DGKB: variants seen among roughly 807,000 people sequenced by gnomAD.
DGKB encodes the protein 90 kDa diacylglycerol kinase.
A neutral mutation model predicts 114.3 loss-of-function variants in DGKB; 67 were observed. The ratio of observed to expected loss-of-function variants is 0.59; its 90% confidence interval spans 0.48 to 0.72. DGKB has a LOEUF of 0.72. DGKB is among the 30% of genes least tolerant of loss of function. DGKB has a pLI of 0.00. For missense variants in DGKB, 907 were observed against 975.2 expected, an observed-to-expected ratio of 0.93 and a Z score of 0.93; for synonymous variants, 398 against 323.1, an observed-to-expected ratio of 1.23 and a Z score of -2.49.
chr7:14,831,299 T>G (rs2128122692), intron 2 of DGKB, among the ~76,000 whole-genome samples: 1 of 152,124 alleles, frequency 6.6e-6, no homozygotes, highest in South Asian at 2.1e-4. Context: ...TGCTAATGGC[T>G]ACTATATGCT....
In DGKB at chr7:14,345,390, T is replaced by C; in HGVS notation, c.1837A>G (p.Met613Val). ...EKHPEKFNSR[M>V]KNKFWYFEFG... ...TCAAAATACCAAAATTTGTTCTTCATTCTGAAAAAGAAAAGGAAGAAGCAC... is the reference window on the plus strand; with the variant it reads ...TCAAAATACCAAAATTTGTTCTTCACTCTGAAAAAGAAAAGGAAGAAGCAC... The change falls in exon 22 of 26, where the codon ATG (methionine) becomes GTG (valine). Residue 613 changes from methionine to valine, a missense_variant and splice_region_variant. Physicochemically the swap from Met to Val is conservative, Grantham distance 21 (BLOSUM62 1). Coordinates refer to ENST00000402815, the MANE Select transcript of DGKB (RefSeq NM_001350709.2). The C allele has an allele frequency of 6.6e-7, 1 of 1,525,010 alleles. No individual in the cohort carries two copies. The highest frequency in any genetic ancestry group is 8.9e-7 in the Non-Finnish European group (1 of 1,128,916). 94.5% of individuals were successfully genotyped at this position (1,525,010 alleles called of 1,614,324 possible).
At chr7:14,405,585 TGAG>T (rs1823810096) in intron 21 of DGKB, among the ~76,000 whole-genome samples, 1 of 152,028 alleles carries the variant, frequency 6.6e-6, no homozygotes, top group Admixed American at 6.6e-5. Context: ...TTCTAGGTGT[TGAG>T]GATGCAGAAA....
intron 6 of DGKB, among the ~76,000 whole-genome samples, chr7:14,715,212 A>C (rs6965205): frequency 6.6e-6 from 1 of 152,000 alleles, no homozygotes; most frequent in Non-Finnish European, 1.5e-5. Context: ...AAAAGTAGGA[A>C]AGTGAGAAGT....
At chr7:14,948,320 C>T (rs1364177807) in intron 1 of DGKB, among the ~76,000 whole-genome samples, 1 of 151,772 alleles carries the variant, frequency 6.6e-6, no homozygotes, top group African/African-American at 2.4e-5. Flanking sequence ...AGAAGTATGA[C>T]ATTTAAATCA....
At chr7:14,230,053 A>G (rs985968001) in intron 23 of DGKB, among the ~76,000 whole-genome samples, 2 of 151,948 alleles carry the variant, frequency 1.3e-5, no homozygotes, top group Non-Finnish European at 2.9e-5. Flanking sequence ...GTCTTGTTGC[A>G]TCCTTTTTTT....
At chr7:14,499,703 T>C (rs1785837636) in intron 20 of DGKB, among the ~76,000 whole-genome samples, 1 of 151,846 alleles carries the variant, frequency 6.6e-6, no homozygotes, top group African/African-American at 2.4e-5. Context: ...TGGCTCATGA[T>C]TCCTAGTACA....
At chr7:14,307,840 A>G (rs1804740964) in intron 23 of DGKB, among the ~76,000 whole-genome samples, 1 of 152,072 alleles carries the variant, frequency 6.6e-6, no homozygotes, top group South Asian at 2.1e-4. Context: ...TTTTTCTGTC[A>G]TTCAAATATT....
intron 1 of DGKB, among the ~76,000 whole-genome samples, chr7:14,910,607 TCG>T (rs1293139658): frequency 6.6e-6 from 1 of 152,148 alleles, no homozygotes; most frequent in African/African-American, 2.4e-5. Flanking sequence ...GAAGATACTC[TCG>T]TTACTTTCAA....
intron 23 of DGKB, among the ~76,000 whole-genome samples, chr7:14,198,501 T>A (rs1785344447): frequency 6.6e-6 from 1 of 152,006 alleles, no homozygotes; most frequent in Non-Finnish European, 1.5e-5. Context: ...CAAAGAGGTC[T>A]GGGAGATACC....
In DGKB at chr7:14,542,169, A is replaced by G. The variant is rs966559298; in HGVS notation, c.1770+32043T>C. ...CCACACTCTTTTTAAATAAATTAAT[A>G]TATCTATTTATTATCATTATTATTA... On this transcript the variant is annotated intron_variant, in intron 20 of 25. Coordinates refer to ENST00000402815, the MANE Select transcript of DGKB (RefSeq NM_001350709.2). Among the ~76,000 whole-genome samples the G allele has an allele frequency of 4.6e-5, 7 of 151,876 alleles. No individual in the cohort carries two copies. In the South Asian group the frequency reaches 6.2e-4, roughly 13 times the overall value.
chr7:14,675,102 C>A (rs532964851), intron 12 of DGKB, among the ~76,000 whole-genome samples: 2 of 152,038 alleles, frequency 1.3e-5, no homozygotes, highest in African/African-American at 4.8e-5. Flanking sequence ...AGAAAACAGA[C>A]GCTAAGAACC....
intron 2 of DGKB, among the ~76,000 whole-genome samples, chr7:14,771,438 A>T (rs1447126526): frequency 1.3e-5 from 2 of 152,046 alleles, no homozygotes; most frequent in Non-Finnish European, 2.9e-5. Flanking sequence ...ATATTACCCA[A>T]TGCTGGTGAT....
At chr7:14,276,225 TAA>T (rs35760070) in intron 23 of DGKB, among the ~76,000 whole-genome samples, 1 of 152,074 alleles carries the variant, frequency 6.6e-6, no homozygotes, top group Non-Finnish European at 1.5e-5. Context: ...CTCCATTCCC[TAA>T]AAAAAGGCAA....
intron 25 of DGKB, among the ~76,000 whole-genome samples, chr7:14,172,795 C>A (rs1443639643): frequency 6.6e-6 from 1 of 152,024 alleles, no homozygotes; most frequent in East Asian, 1.9e-4. Flanking sequence ...TGTACAGATA[C>A]AAAATAAAAT....
intron 21 of DGKB, among the ~76,000 whole-genome samples, chr7:14,469,826 G>T (rs1421744304): frequency 6.6e-6 from 1 of 151,834 alleles, no homozygotes; most frequent in Non-Finnish European, 1.5e-5. Flanking sequence ...ACATATAATT[G>T]TAAGAGATTT....
intron 17 of DGKB, among the ~76,000 whole-genome samples, chr7:14,585,277 G>A (rs1210906444): frequency 6.6e-6 from 1 of 152,022 alleles, no homozygotes; most frequent in African/African-American, 2.4e-5. Flanking sequence ...AAACACATAT[G>A]TACCAGTTGC....
intron 21 of DGKB, among the ~76,000 whole-genome samples, chr7:14,353,738 T>G (rs7797806): frequency 0.018 from 2,689 of 152,316 alleles, 82 homozygotes; most frequent in African/African-American, 0.062. Flanking sequence ...ATATTTTTCA[T>G]ACAATACTAT....
chr7:14,538,133 AG>A (rs1792840905), intron 20 of DGKB, among the ~76,000 whole-genome samples: 1 of 151,572 alleles, frequency 6.6e-6, no homozygotes, highest in African/African-American at 2.4e-5. Flanking sequence ...CAAACCAAAA[AG>A]CTTCTGCACA....
intron 1 of DGKB, among the ~76,000 whole-genome samples, chr7:14,879,206 G>C (rs1168661009): frequency 6.6e-6 from 1 of 151,844 alleles, no homozygotes; most frequent in African/African-American, 2.4e-5. Flanking sequence ...ATCTACTTTA[G>C]TGTATTTCAA....
Sources: allele counts gnomAD v4.1 joint callset (sites outside exome capture counted in the v4.1 genomes callset), GRCh38; gene constraint gnomAD v4.1.1; transcripts MANE v1.5; gene names NCBI Gene and HGNC (gene_info 2026-07-23, HGNC 2026-07-21).